Variants in BLVRA observed in about 807,000 individuals in gnomAD.
BLVRA encodes BVR A.
A neutral mutation model predicts 32.8 loss-of-function variants in BLVRA; 22 were observed. The observed-to-expected ratio is 0.67, with a 90% CI of 0.48 to 0.96. The LOEUF (loss-of-function observed/expected upper bound fraction) is 0.96, where lower values mean the gene tolerates loss of function less well. Ranked by LOEUF, BLVRA falls within the 40% of genes least tolerant of loss-of-function variation. The pLI is 0.00. For missense variants in BLVRA, 323 were observed against 358.1 expected, an observed-to-expected ratio of 0.90 and a Z score of 0.79; for synonymous variants, 119 against 141.3, an observed-to-expected ratio of 0.84 and a Z score of 1.12.
chr7:43,803,607 C>A, intron 6 of BLVRA, 69 bp from the exon 7 acceptor site: 4 of 1,416,592 alleles, frequency 2.8e-6, no homozygotes, highest in Admixed American at 3.4e-5. Flanking sequence ...GCCACCCCCA[C>A]CCCCCTGTCC....
At chr7:43,798,228 G>GAAAAAAAAA (rs1752854093) in intron 5 of BLVRA, among the ~76,000 whole-genome samples, 5 of 95,404 alleles carry the variant, frequency 5.2e-5, no homozygotes, top group Non-Finnish European at 9.1e-5. Flanking sequence ...AAAAAAAAAG[G>GAAAAAAAAA]AAACGATGCT....
rs550799826 is a variant in BLVRA, at chr7:43,796,664, C to T, written c.353-3801C>T. ...TTTGGCAATAATGTCTTACATACGA[C>T]ATCAAAAACACAGGCAAAAAAAGCA... On this transcript the variant is annotated intron_variant, in intron 5 of 7. Coordinates refer to ENST00000265523, the MANE Select transcript of BLVRA (RefSeq NM_000712.4). 2.0e-5 allele frequency among the ~76,000 whole-genome samples: 3 copies of T among 152,234 alleles called. No individual in the cohort carries two copies. The South Asian group carries it at 6.2e-4, about 32-fold the overall frequency.
intron 1 of BLVRA, among the ~76,000 whole-genome samples, chr7:43,763,599 GCCACTAC>G (rs1159431217): frequency 2.6e-5 from 4 of 152,204 alleles, no homozygotes; most frequent in Non-Finnish European, 5.9e-5. Flanking sequence ...GCACCCGTGG[GCCACTAC>G]TGCTTTTGAC....
intron 1 of BLVRA, among the ~76,000 whole-genome samples, chr7:43,769,665 T>G (rs2095752232): frequency 6.6e-6 from 1 of 151,600 alleles, no homozygotes; most frequent in Non-Finnish European, 1.5e-5. Flanking sequence ...GGGAGTGCAG[T>G]GGCTCGATCT....
intron 1 of BLVRA, among the ~76,000 whole-genome samples, chr7:43,765,088 A>C (rs1431464639): frequency 6.6e-6 from 1 of 152,244 alleles, no homozygotes; most frequent in Non-Finnish European, 1.5e-5. Flanking sequence ...GACCGGCTGC[A>C]GTAGATACGG....
intron 1 of BLVRA, chr7:43,767,410 C>A: frequency 6.3e-7 from 1 of 1,595,848 alleles, no homozygotes; most frequent in Non-Finnish European, 8.6e-7. Flanking sequence ...GATCACTGTT[C>A]CTATCGGGTT....
chr7:43,770,501 A>G (rs1457521370), intron 1 of BLVRA, among the ~76,000 whole-genome samples: 1 of 152,248 alleles, frequency 6.6e-6, no homozygotes, highest in East Asian at 1.9e-4. Flanking sequence ...TGCATTTTCA[A>G]CAAGAATCCT....
chr7:43,795,152 A>G (rs1265790260), intron 5 of BLVRA, among the ~76,000 whole-genome samples: 1 of 152,246 alleles, frequency 6.6e-6, no homozygotes, highest in Non-Finnish European at 1.5e-5. Context: ...TGGAGGTTGC[A>G]GTGAGCCAAG....
intron 1 of BLVRA, chr7:43,767,522 C>A: frequency 8.6e-7 from 1 of 1,166,976 alleles, no homozygotes; most frequent in Non-Finnish European, 1.3e-6. Context: ...GGTCACCGGC[C>A]ATGTGGTGCT....
chr7:43,781,769 A>G (rs944897506), intron 2 of BLVRA, among the ~76,000 whole-genome samples: 1 of 152,244 alleles, frequency 6.6e-6, no homozygotes, highest in Non-Finnish European at 1.5e-5. Flanking sequence ...TAGTCCTAAC[A>G]AAAGGCCTAG....
At chr7:43,800,067 T>C (rs533839782) in intron 5 of BLVRA, among the ~76,000 whole-genome samples, 1 of 152,132 alleles carries the variant, frequency 6.6e-6, no homozygotes, top group South Asian at 2.1e-4. Flanking sequence ...GTGATTCTCC[T>C]GCCTCAGCCT....
upstream of BLVRA, among the ~76,000 whole-genome samples, chr7:43,758,265 G>A (rs1212203391): frequency 1.4e-5 from 2 of 139,478 alleles, no homozygotes; most frequent in African/African-American, 5.0e-5. Context: ...AAATACCAAT[G>A]GGATCCAGTG....
chr7:43,806,987 T>C lies in BLVRA; in HGVS notation c.643T>C (p.Trp215Arg). Residue 215 changes from tryptophan (W) to arginine (R), a missense_variant, in exon 8 of 8, where the codon TGG (tryptophan) becomes CGG (arginine). Coordinates refer to ENST00000265523, the MANE Select transcript of BLVRA (RefSeq NM_000712.4). The stretch of plus-strand genomic sequence containing the variant: ...CTTTTGTCTTTGCAGTCCACTGTCA[T>C]GGATTGAAGAAAAAGGACCTGGTCT... ...LETEKKSPLS[W>R]IEEKGPGLKR... 2.5e-6 allele frequency: 4 copies of C among 1,614,038 alleles called. No homozygotes were observed. The highest frequency in any genetic ancestry group is 1.3e-5 in the African/African-American group (1 of 75,056).
chr7:43,763,007 G>A (rs937007016), intron 1 of BLVRA, among the ~76,000 whole-genome samples: 64 of 152,142 alleles, frequency 4.2e-4, no homozygotes, highest in African/African-American at 1.5e-3. Flanking sequence ...AAAGGCCAGG[G>A]ATGCTGCAAA....
intron 2 of BLVRA, among the ~76,000 whole-genome samples, chr7:43,772,986 C>T (rs1260708338): frequency 6.6e-6 from 1 of 152,152 alleles, no homozygotes; most frequent in African/African-American, 2.4e-5. Context: ...CTTGCACCAC[C>T]TCCTTAGTTA....
At chr7:43,803,610 C>A (rs2095801057) in intron 6 of BLVRA, 66 bp from the exon 7 acceptor site, 3 of 1,471,920 alleles carry the variant, frequency 2.0e-6, no homozygotes, top group South Asian at 2.3e-5. Flanking sequence ...ACCCCCACCC[C>A]CCTGTCCTGC....
intron 3 of BLVRA, among the ~76,000 whole-genome samples, chr7:43,789,333 C>T (rs935340184): frequency 2.0e-5 from 3 of 152,164 alleles, no homozygotes; most frequent in African/African-American, 7.2e-5. Flanking sequence ...TGGGGCCATC[C>T]TCTTCCGGCC....
intron 1 of BLVRA, among the ~76,000 whole-genome samples, chr7:43,765,511 C>T (rs1438779987): frequency 6.6e-6 from 1 of 152,184 alleles, no homozygotes; most frequent in African/African-American, 2.4e-5. Flanking sequence ...CTCGGCCTCC[C>T]AAAGTGCTAG....
chr7:43,799,347 A>G (rs1025133116), intron 5 of BLVRA, among the ~76,000 whole-genome samples: 4 of 152,108 alleles, frequency 2.6e-5, no homozygotes, highest in African/African-American at 9.7e-5. Flanking sequence ...TCATAACCAC[A>G]CTTTGTACTT....
Sources: allele counts gnomAD v4.1 joint callset (sites outside exome capture counted in the v4.1 genomes callset), GRCh38; gene constraint gnomAD v4.1.1; transcripts MANE v1.5; gene names NCBI Gene and HGNC (gene_info 2026-07-23, HGNC 2026-07-21).